The following PFKFB3 variants were observed in gnomAD, a reference collection of about 807,000 sequenced individuals.
PFKFB3 encodes 6-phosphofructo-2-kinase/fructose-2,6-bisphosphatase 3.
A neutral mutation model predicts 68.0 loss-of-function variants in PFKFB3; 33 were observed. That is an observed-to-expected ratio of 0.49 (90% CI 0.37 to 0.65). The LOEUF (loss-of-function observed/expected upper bound fraction) is 0.65. Ranked by LOEUF, PFKFB3 falls within the 30% of genes least tolerant of loss-of-function variation. The probability of loss-of-function intolerance (pLI) is 0.00; values close to 1 mark genes in which losing one functional copy is unlikely to be tolerated. For synonymous variants in PFKFB3, 315 were observed against 288.2 expected (o/e 1.09, Z -0.94); for missense variants, 586 against 712.2 (o/e 0.82, Z 2.02).
chr10:6,219,785 CT>C (rs1564632380), intron 7 of PFKFB3, 92 bp downstream of exon 7: 4 of 1,438,516 alleles, frequency 2.8e-6, no homozygotes, highest in Non-Finnish European at 3.8e-6. Context: ...TCCTGGATAC[CT>C]TTAAAAAAAT....
chr10:6,166,382 C>T lies in PFKFB3; in HGVS notation c.16+21369C>T, dbSNP rs547130978. Among the ~76,000 whole-genome samples, 51 of 151,872 alleles carry T rather than the reference C, an allele frequency of 3.4e-4. 1 individual carries two copies. The highest frequency in any genetic ancestry group is 3.4e-3 in the Middle Eastern group (1 of 294). On this transcript the variant is annotated intron_variant, in intron 1 of 14. Transcript: ENST00000379789. ...TGCTGGGATTACAGACATGAGCCAC[C>T]GCCCGGCTTAGTATTTTTTTTTTTC...
the PFKFB3 span, among the ~76,000 whole-genome samples, chr10:6,264,414 A>T: frequency 1.2e-4 from 18 of 152,178 alleles, no homozygotes; most frequent in African/African-American, 4.1e-4. Context: ...CATAAACTCT[A>T]TAGGTAACTT....
At chr10:6,292,232 G>A in the PFKFB3 span, among the ~76,000 whole-genome samples, 2 of 144,312 alleles carry the variant, frequency 1.4e-5, no homozygotes, top group Non-Finnish European at 3.0e-5. Flanking sequence ...GGGATTACAA[G>A]TGTGAGCCAC....
At position 6,232,978 on chromosome 10, in the gene PFKFB3, G is replaced by T; in HGVS notation, c.*36G>T. The T allele has an allele frequency of 6.4e-7, 1 of 1,568,160 alleles. No individual in the cohort carries two copies. The highest frequency in any genetic ancestry group is 2.2e-5 in the East Asian group (1 of 44,670). Reference sequence around the variant, plus strand: ...TCGGTTCCATTCCATTTCCATTTCTGCAGCTTAGCTTGTGTCCTGCCCTCC... The same window carrying T: ...TCGGTTCCATTCCATTTCCATTTCTTCAGCTTAGCTTGTGTCCTGCCCTCC... On this transcript the variant is annotated 3_prime_UTR_variant, in exon 15 of 15. Transcript: ENST00000379775.
At chr10:6,202,841 G>T, upstream of PFKFB3, 2 of 1,008,158 alleles carry the variant, frequency 2.0e-6, no homozygotes, top group Non-Finnish European at 2.4e-6. Flanking sequence ...AAGGGGGCTG[G>T]GACCCAAGGA....
chr10:6,291,555 CAA>C, the PFKFB3 span, among the ~76,000 whole-genome samples: 31 of 59,104 alleles, frequency 5.2e-4, no homozygotes, highest in Admixed American at 7.5e-4. Flanking sequence ...GACTCTGTCT[CAA>C]AAAAAAAAAA....
At chr10:6,289,066 G>A in the PFKFB3 span, among the ~76,000 whole-genome samples, 45 of 151,012 alleles carry the variant, frequency 3.0e-4, no homozygotes, top group African/African-American at 8.3e-4. Flanking sequence ...TTTTTTTCTC[G>A]TAAATTTGTT....
At chr10:6,279,643 A>G in the PFKFB3 span, among the ~76,000 whole-genome samples, 1 of 152,322 alleles carries the variant, frequency 6.6e-6, no homozygotes, top group East Asian at 1.9e-4. Context: ...GAATGTCAGC[A>G]GAGCCCTGAG....
At chr10:6,248,182 C>T (rs979513651) in intron 14 of PFKFB3, among the ~76,000 whole-genome samples, 1 of 152,148 alleles carries the variant, frequency 6.6e-6, no homozygotes, top group Non-Finnish European at 1.5e-5. Flanking sequence ...GTTGTGATTT[C>T]CCTGGAAATA....
chr10:6,188,815 T>C (rs1294592585), intron 1 of PFKFB3, among the ~76,000 whole-genome samples: 1 of 145,288 alleles, frequency 6.9e-6, no homozygotes, highest in Non-Finnish European at 1.5e-5. Context: ...TCTGACGGAT[T>C]TCCTTCCTTT....
the PFKFB3 span, among the ~76,000 whole-genome samples, chr10:6,294,451 T>C: frequency 6.6e-6 from 1 of 152,040 alleles, no homozygotes; most frequent in Non-Finnish European, 1.5e-5. Flanking sequence ...GCAGGGAAAC[T>C]CTCCTTTATA....
chr10:6,270,728 C>T, the PFKFB3 span, among the ~76,000 whole-genome samples: 14 of 152,276 alleles, frequency 9.2e-5, no homozygotes, highest in African/African-American at 1.7e-4. Flanking sequence ...CTATGACATG[C>T]GCTCATCGGA....
At position 6,234,007 on chromosome 10, in the gene PFKFB3, C is replaced by T. The variant is rs1845894613; in HGVS notation, c.*1065C>T. 6.6e-6 allele frequency: 1 copy of T among 152,466 alleles called. No individual in the cohort carries two copies. The highest frequency in any genetic ancestry group is 1.5e-5 in the Non-Finnish European group (1 of 68,110). The allele number at this position is 152,466 out of a possible 1,614,324, so 9.4% of individuals were successfully genotyped here. A position where few individuals can be genotyped will look rare whatever the true frequency, so the allele number is the denominator to read the frequency against. On this transcript the variant is annotated 3_prime_UTR_variant, in exon 15 of 15. Transcript: ENST00000379775. ...TGGAGCATCTGCCTTGTGCCTGGCA[C>T]TCTGCCGGTGCCTTGGGAAGGTCGG... is the stretch of plus-strand genomic sequence containing the variant.
chr10:6,264,283 A>G, the PFKFB3 span, among the ~76,000 whole-genome samples: 136 of 152,310 alleles, frequency 8.9e-4, 2 homozygotes, highest in African/African-American at 3.1e-3. Flanking sequence ...AGAGTAAGTC[A>G]TCTTACTCTG....
the PFKFB3 span, among the ~76,000 whole-genome samples, chr10:6,286,071 G>A: frequency 7.5e-3 from 1,088 of 144,414 alleles, 9 homozygotes; most frequent in African/African-American, 0.026. Flanking sequence ...TCCACCTCCC[G>A]GGTTCACGCC....
chr10:6,229,329 G>A lies in PFKFB3; in HGVS notation c.1515+2964G>A, dbSNP rs574981760. The A allele has an allele frequency of 2.8e-4, 102 of 358,246 alleles. 1 individual carries two copies. Among genetic ancestry groups the A allele is most frequent in the South Asian group, 1.3e-3 (65 of 49,044 alleles). 22.2% of individuals were successfully genotyped at this position (358,246 alleles called of 1,614,324 possible). On this transcript the variant is annotated intron_variant, in intron 14 of 14. Transcript: ENST00000379775. This position sits in a 1 kb window ranked among gnomAD's most constrained non-coding sequence, Gnocchi z 4.3. ...TTAATGGTTGAGGGGCTGAGTGACC[G>A]GCCCGTGCTTCCAGCAGGTGAGCCG...
intron 14 of PFKFB3, among the ~76,000 whole-genome samples, chr10:6,250,863 A>G (rs1377200130): frequency 6.6e-6 from 1 of 152,188 alleles, no homozygotes; most frequent in Non-Finnish European, 1.5e-5. Context: ...CAAATGGACT[A>G]AGGGACTACA....
the PFKFB3 span, among the ~76,000 whole-genome samples, chr10:6,307,536 TCCTTCCTTC>T: frequency 6.7e-6 from 1 of 149,360 alleles, no homozygotes; most frequent in South Asian, 2.2e-4. Context: ...CTTCCTTCCT[TCCTTCCTTC>T]CTTCCTTCCT....
the PFKFB3 span, among the ~76,000 whole-genome samples, chr10:6,272,499 G>A: frequency 6.6e-6 from 1 of 152,110 alleles, no homozygotes; most frequent in Non-Finnish European, 1.5e-5. Context: ...TTTGAGACCA[G>A]CCTGGCCAAC....
Sources: gnomAD v4.1 joint callset for allele counts (sites outside exome capture counted in the v4.1 genomes callset) on GRCh38, gnomAD v4.1.1 for gene constraint, Gnocchi (gnomAD v3.1) non-coding constraint, MANE v1.5 for transcripts, NCBI Gene and HGNC (gene_info 2026-07-23, HGNC 2026-07-21) for gene names.